The following SEMA3D variants were observed in gnomAD, a reference collection of about 807,000 sequenced individuals.
The protein encoded by SEMA3D is semaphorin-3D.
Under a neutral mutation model 100.1 loss-of-function variants are expected in SEMA3D, and 84 were observed. That is an observed-to-expected ratio of 0.84 (90% confidence interval 0.70 to 1.01). The LOEUF (loss-of-function observed/expected upper bound fraction) is 1.01, where lower values mean the gene tolerates loss of function less well. SEMA3D is among the 50% of genes least tolerant of loss of function. The pLI, the probability that SEMA3D is intolerant of heterozygous loss-of-function variation, is 0.00. For synonymous variants in SEMA3D, 312 were observed against 320.7 expected (o/e 0.97, Z 0.29); for missense variants, 875 against 934.1 (o/e 0.94, Z 0.82).
chr7:85,220,461 C>T, the SEMA3D span, among the ~76,000 whole-genome samples: 18 of 151,596 alleles, frequency 1.2e-4, no homozygotes, highest in Admixed American at 9.2e-4. Context: ...TTTCAATTCA[C>T]AACTTATGAA....
Position 85,097,983 on chromosome 7 carries a change from A to T in SEMA3D, c.152-18T>A. The T allele has an allele frequency of 7.1e-7, 1 of 1,406,126 alleles. No individual in the cohort carries two copies. The highest frequency in any genetic ancestry group is 9.5e-7 in the Non-Finnish European group (1 of 1,051,168). 87.1% of individuals were successfully genotyped at this position (1,406,126 alleles called of 1,614,324 possible). A position where few individuals can be genotyped will look rare whatever the true frequency, so the allele number is the denominator to read the frequency against. On this transcript the variant is annotated intron_variant, in intron 3 of 18. Transcript: ENST00000284136. ...CAGCAAGTCTATGGAAAGCAAAAAA[A>T]GAAAAGAAAGGAGAAAGAAAAAAGA...
chr7:85,248,816 G>A, the SEMA3D span, among the ~76,000 whole-genome samples: 3 of 152,058 alleles, frequency 2.0e-5, no homozygotes, highest in Non-Finnish European at 2.9e-5. Flanking sequence ...TGGTTCTCAG[G>A]ATTTAGCAGA....
At chr7:85,084,602 TC>T (rs1562811151) in intron 4 of SEMA3D, among the ~76,000 whole-genome samples, 4 of 152,054 alleles carry the variant, frequency 2.6e-5, no homozygotes, top group Non-Finnish European at 4.4e-5. Flanking sequence ...TCTTTTTTTT[TC>T]CTTTCTTTTT....
chr7:85,153,437 TAACA>T lies in SEMA3D; in HGVS notation c.-41+167_-41+170del, dbSNP rs1036244237. On this transcript the variant is annotated intron_variant, in intron 2 of 18. Transcript: ENST00000284136. ...GACATAGATTATCCAAAGTTTGCCT[TAACA>T]AACTGTCATGTAGAGTGCTTCCTCT... Among the ~76,000 whole-genome samples the T allele has an allele frequency of 1.8e-4, 27 of 152,268 alleles. 1 individual carries two copies. Among genetic ancestry groups the T allele is most frequent in the Middle Eastern group, 3.4e-3 (1 of 294 alleles).
At chr7:85,047,204 T>G (rs762119754) in intron 9 of SEMA3D, among the ~76,000 whole-genome samples, 14 of 151,888 alleles carry the variant, frequency 9.2e-5, no homozygotes, top group Non-Finnish European at 1.9e-4. Flanking sequence ...TTGCAATCCT[T>G]CAGCAGCTTT....
chr7:85,124,260 C>T (rs1314702938), intron 2 of SEMA3D, among the ~76,000 whole-genome samples: 1 of 151,840 alleles, frequency 6.6e-6, no homozygotes, highest in Non-Finnish European at 1.5e-5. Context: ...AGTTAGAATA[C>T]CAGTATTCTT....
chr7:84,997,446 GTTC>G lies in SEMA3D; in HGVS notation c.*1991_*1993del, dbSNP rs1789533939. 1 of 151,974 alleles carries G rather than the reference GTTC, an allele frequency of 6.6e-6. No homozygotes were observed. The highest frequency in any genetic ancestry group is 2.1e-4 in the South Asian group (1 of 4,830). 9.4% of individuals were successfully genotyped at this position (151,974 alleles called of 1,614,324 possible). The stretch of plus-strand genomic sequence containing the variant: ...ATTAGAAGTCTGATCATGCCACACT[GTTC>G]TTCTGAATTACTTTTTAAATGAGTG... On this transcript the variant is annotated 3_prime_UTR_variant, in exon 19 of 19. Coordinates refer to ENST00000284136, the MANE Select transcript of SEMA3D (RefSeq NM_001384900.1).
At chr7:85,152,790 T>C (rs974202684) in intron 2 of SEMA3D, among the ~76,000 whole-genome samples, 3 of 152,136 alleles carry the variant, frequency 2.0e-5, no homozygotes, top group African/African-American at 7.2e-5. Flanking sequence ...TATTTTGTTA[T>C]TCTATACAAC....
At chr7:85,168,820 TGAA>T (rs1409101050) in intron 1 of SEMA3D, among the ~76,000 whole-genome samples, 354 of 121,152 alleles carry the variant, frequency 2.9e-3, no homozygotes, top group Non-Finnish European at 5.4e-3. Context: ...GAAAGAAAGA[TGAA>T]AGAAAGAAAG....
At chr7:85,049,900 C>A (rs970435755) in intron 9 of SEMA3D, among the ~76,000 whole-genome samples, 11 of 151,748 alleles carry the variant, frequency 7.2e-5, no homozygotes, top group Non-Finnish European at 4.4e-5. Context: ...ACTGGCATAA[C>A]CTACAGCTGG....
chr7:85,155,766 C>A (rs1485344866), intron 1 of SEMA3D, among the ~76,000 whole-genome samples: 1 of 151,966 alleles, frequency 6.6e-6, no homozygotes, highest in East Asian at 1.9e-4. Flanking sequence ...TTAATATTGC[C>A]AGAGATAATA....
chr7:85,140,797 C>T (rs1790025095), intron 2 of SEMA3D: 1 of 936,490 alleles, frequency 1.1e-6, no homozygotes, highest in Non-Finnish European at 1.3e-6. Context: ...CTTAATTATT[C>T]CATTAATAAT....
the SEMA3D span, among the ~76,000 whole-genome samples, chr7:85,211,514 C>A: frequency 1.3e-5 from 2 of 152,144 alleles, no homozygotes; most frequent in Non-Finnish European, 2.9e-5. Flanking sequence ...TTTCTTCACT[C>A]ATTGCTAGGT....
upstream of SEMA3D, among the ~76,000 whole-genome samples, chr7:85,190,571 C>T (rs568109266): frequency 5.9e-4 from 89 of 151,968 alleles, no homozygotes; most frequent in Middle Eastern, 3.4e-3. Context: ...TTCATTTGAT[C>T]GTAGCAATAC....
chr7:85,236,364 G>A, the SEMA3D span, among the ~76,000 whole-genome samples: 1 of 151,072 alleles, frequency 6.6e-6, no homozygotes, highest in Admixed American at 6.6e-5. Context: ...CTGGAGTGCA[G>A]TGGCATGATC....
At chr7:85,238,418 C>T in the SEMA3D span, among the ~76,000 whole-genome samples, 1 of 152,094 alleles carries the variant, frequency 6.6e-6, no homozygotes, top group African/African-American at 2.4e-5. Context: ...CATTTTATTG[C>T]ATGTGGATGT....
At chr7:85,080,236 T>C (rs561671816) in intron 5 of SEMA3D, among the ~76,000 whole-genome samples, 3 of 152,302 alleles carry the variant, frequency 2.0e-5, no homozygotes, top group African/African-American at 7.2e-5. Context: ...CCCCATTAGA[T>C]TGAAAGCTCC....
intron 2 of SEMA3D, among the ~76,000 whole-genome samples, chr7:85,150,175 A>T (rs1187410433): frequency 6.6e-6 from 1 of 151,512 alleles, no homozygotes; most frequent in Non-Finnish European, 1.5e-5. Context: ...GTTTTAATTT[A>T]TGTTGTCAGG....
intron 3 of SEMA3D, among the ~76,000 whole-genome samples, chr7:85,109,127 C>T (rs1209083068): frequency 6.6e-6 from 1 of 151,802 alleles, no homozygotes; most frequent in Non-Finnish European, 1.5e-5. Context: ...TGAAATCTGT[C>T]ACAACCTCCA....
Sources: allele counts gnomAD v4.1 joint callset (sites outside exome capture counted in the v4.1 genomes callset), GRCh38; gene constraint gnomAD v4.1.1; transcripts MANE v1.5; gene names NCBI Gene and HGNC (gene_info 2026-07-23, HGNC 2026-07-21).